LRRC4C: variants seen among roughly 807,000 people sequenced by gnomAD.
The protein encoded by LRRC4C is leucine rich repeat containing 4C.
Under a neutral mutation model 33.6 loss-of-function variants are expected in LRRC4C, and 5 were observed. The observed-to-expected ratio is 0.15, with a 90% CI of 0.08 to 0.31. LRRC4C has a LOEUF of 0.31. LRRC4C is among the 10% of genes least tolerant of loss of function. The pLI, the probability that LRRC4C is intolerant of heterozygous loss-of-function variation, is 1.00. For synonymous variants in LRRC4C, 329 were observed against 302.0 expected, an observed-to-expected ratio of 1.09 and a Z score of -0.93; for missense variants, 560 against 796.7, an observed-to-expected ratio of 0.70 and a Z score of 3.58.
chr11:40,579,320 T>C (rs952459209), intron 3 of LRRC4C, among the ~76,000 whole-genome samples: 10 of 134,690 alleles, frequency 7.4e-5, no homozygotes, highest in African/African-American at 2.8e-4. Flanking sequence ...AGTGAGACTC[T>C]GTTAAAAAAA....
intron 1 of LRRC4C, among the ~76,000 whole-genome samples, chr11:41,127,401 C>T (rs562152582): frequency 8.6e-5 from 13 of 151,802 alleles, no homozygotes; most frequent in Middle Eastern, 3.4e-3. Context: ...CACAGCCAAA[C>T]GAAAGAATAT....
intron 1 of LRRC4C, among the ~76,000 whole-genome samples, chr11:41,231,771 ATGTG>A (rs753012785): frequency 6.6e-6 from 1 of 151,540 alleles, no homozygotes; most frequent in Non-Finnish European, 1.5e-5. Flanking sequence ...TAATATATAT[ATGTG>A]TGTGTGTGTA....
At chr11:41,368,756 A>G (rs1258820219) in intron 1 of LRRC4C, among the ~76,000 whole-genome samples, 1 of 152,220 alleles carries the variant, frequency 6.6e-6, no homozygotes, top group Non-Finnish European at 1.5e-5. Context: ...TTACTTTCCT[A>G]CATGTTGCTA....
chr11:40,863,939 CT>C (rs145249585), intron 2 of LRRC4C, among the ~76,000 whole-genome samples: 6,189 of 152,070 alleles, frequency 0.041, 246 homozygotes, highest in African/African-American at 0.1. Context: ...GCATGTTCTC[CT>C]TTTTTCATCA....
At chr11:40,394,082 A>G (rs1009026046) in intron 3 of LRRC4C, among the ~76,000 whole-genome samples, 2 of 152,128 alleles carry the variant, frequency 1.3e-5, no homozygotes, top group African/African-American at 4.8e-5. Flanking sequence ...TGAAAGAAAG[A>G]AAGAATGGGT....
intron 1 of LRRC4C, among the ~76,000 whole-genome samples, chr11:41,344,056 A>G (rs16935625): frequency 0.016 from 2,469 of 152,098 alleles, 70 homozygotes; most frequent in African/African-American, 0.056. Context: ...ATGTGCAACA[A>G]ATGCCTTTGA....
At chr11:41,298,637 G>T (rs1950205918) in intron 1 of LRRC4C, among the ~76,000 whole-genome samples, 1 of 152,124 alleles carries the variant, frequency 6.6e-6, no homozygotes. Flanking sequence ...TCTCTTGATT[G>T]ATCATTATTT....
At chr11:40,625,505 G>A (rs79322555) in intron 3 of LRRC4C, among the ~76,000 whole-genome samples, 3,105 of 152,158 alleles carry the variant, frequency 0.02, 102 homozygotes, top group African/African-American at 0.071. Flanking sequence ...ACAGCATGGG[G>A]GAAAACCTGT....
chr11:40,235,617 T>C (rs10444278), intron 5 of LRRC4C, among the ~76,000 whole-genome samples: 115,883 of 151,750 alleles, frequency 0.76, 48,611 homozygotes, highest in East Asian at 0.96. Context: ...AAGATACAAG[T>C]CGTGAAAAGT....
Position 40,749,996 on chromosome 11 carries a change from G to A in LRRC4C, c.-406-101718C>T, listed in dbSNP as rs143116699. ...AACGACATTGAATCAGTGAGAAAAA[G>A]TATTACATCAAAGAAAAGCACAGTG... On this transcript the variant is annotated intron_variant, in intron 2 of 6. Transcript: ENST00000528697. 5.3e-4 allele frequency among the ~76,000 whole-genome samples: 80 copies of A among 152,196 alleles called. 1 individual carries two copies. In the East Asian group the frequency reaches 0.012, roughly 23 times the overall value.
chr11:40,670,974 A>T (rs1361693349), intron 2 of LRRC4C, among the ~76,000 whole-genome samples: 2 of 152,190 alleles, frequency 1.3e-5, no homozygotes, highest in Non-Finnish European at 2.9e-5. Flanking sequence ...CGTGTTAGCC[A>T]GGATTGTCTC....
intron 1 of LRRC4C, among the ~76,000 whole-genome samples, chr11:41,095,841 G>A (rs1000154160): frequency 4.7e-4 from 72 of 152,126 alleles, no homozygotes. Flanking sequence ...TGACTCATGT[G>A]TGAGTTTTTA....
chr11:40,514,705 T>C (rs1955491956), intron 3 of LRRC4C, among the ~76,000 whole-genome samples: 1 of 152,136 alleles, frequency 6.6e-6, no homozygotes, highest in Non-Finnish European at 1.5e-5. Flanking sequence ...TATGTTGTTG[T>C]GTAGTTCTCT....
chr11:41,416,639 T>G (rs1451619791), intron 1 of LRRC4C, among the ~76,000 whole-genome samples: 2 of 151,940 alleles, frequency 1.3e-5, no homozygotes, highest in Non-Finnish European at 2.9e-5. Context: ...GGAAGGAGTA[T>G]GGGTTTCAAG....
intron 5 of LRRC4C, among the ~76,000 whole-genome samples, chr11:40,143,670 G>C (rs1382577142): frequency 6.6e-6 from 1 of 152,102 alleles, no homozygotes; most frequent in Admixed American, 6.6e-5. Flanking sequence ...TGCTCAGAGA[G>C]GTCTTCCCTG....
chr11:40,578,139 CGGTTTTTTTTTTT>C lies in LRRC4C; in HGVS notation c.-270+69990_-270+70002del, dbSNP rs1958286710. 8.1e-4 allele frequency among the ~76,000 whole-genome samples: 5 copies of C among 6,146 alleles called. 1 individual carries two copies. Among genetic ancestry groups the C allele is most frequent in the Admixed American group, 4.2e-3 (2 of 478 alleles). 4.0% of individuals were successfully genotyped at this position (6,146 alleles called of 152,430 possible). The stretch of plus-strand genomic sequence containing the variant: ...GTGATATTATTGGACTTTTTTTTTT[CGGTTTTTTTTTTT>C]TTTTTTTTTTTTTTTTTTGCCTCTT... On this transcript the variant is annotated intron_variant, in intron 3 of 6. Transcript: ENST00000528697.
intron 1 of LRRC4C, among the ~76,000 whole-genome samples, chr11:41,077,887 A>C (rs1266822872): frequency 6.6e-6 from 1 of 152,238 alleles, no homozygotes; most frequent in African/African-American, 2.4e-5. Flanking sequence ...TTTGTGAACA[A>C]ATATGACTGT....
At chr11:40,431,114 A>AT in intron 3 of LRRC4C, among the ~76,000 whole-genome samples, 1 of 151,200 alleles carries the variant, frequency 6.6e-6, no homozygotes, top group Non-Finnish European at 1.5e-5. Context: ...AAAAAAAAAA[A>AT]ATAAATTAAG....
intron 5 of LRRC4C, among the ~76,000 whole-genome samples, chr11:40,187,387 T>C (rs2135570350): frequency 6.6e-6 from 1 of 151,750 alleles, no homozygotes; most frequent in East Asian, 1.9e-4. Context: ...GATTGCTGCA[T>C]TTCTATTGGC....
Sources: allele counts gnomAD v4.1 joint callset (sites outside exome capture counted in the v4.1 genomes callset), GRCh38; gene constraint gnomAD v4.1.1; transcripts MANE v1.5; gene names NCBI Gene and HGNC (gene_info 2026-07-23, HGNC 2026-07-21).